The following APBA1 variants were observed in gnomAD, a reference collection of about 807,000 sequenced individuals.
APBA1 encodes amyloid-beta A4 precursor protein-binding family A member 1.
APBA1 carries 55 observed loss-of-function variants against 86.6 expected under a neutral mutation model. That is an observed-to-expected ratio of 0.64 (90% CI 0.51 to 0.80). The LOEUF is 0.80. Among genes scored for constraint, APBA1 ranks in the 30% least tolerant of loss-of-function variants. The pLI is 0.00. For synonymous variants in APBA1, 511 were observed against 493.9 expected (o/e 1.03, Z -0.46); for missense variants, 1,090 against 1,183.0 (o/e 0.92, Z 1.15).
intron 1 of APBA1, among the ~76,000 whole-genome samples, chr9:69,644,626 T>C (rs1239518870): frequency 6.6e-6 from 1 of 152,052 alleles, no homozygotes; most frequent in Non-Finnish European, 1.5e-5. Flanking sequence ...AACTTGGCCA[T>C]GTCTCAGATG....
At chr9:69,567,787 T>C (rs1056603222) in intron 1 of APBA1, among the ~76,000 whole-genome samples, 2 of 151,948 alleles carry the variant, frequency 1.3e-5, no homozygotes, top group African/African-American at 4.8e-5. Context: ...GGCACTGGGG[T>C]CCGGGACATC....
intron 1 of APBA1, among the ~76,000 whole-genome samples, chr9:69,631,841 A>G (rs10115721): frequency 0.97 from 147,676 of 152,216 alleles, 71,783 homozygotes; most frequent in East Asian, 1. Flanking sequence ...TCACTCATAG[A>G]TGGGAATTGA....
At chr9:69,588,025 C>CAAAAA (rs35212894) in intron 1 of APBA1, among the ~76,000 whole-genome samples, 2 of 106,542 alleles carry the variant, frequency 1.9e-5, no homozygotes, top group Admixed American at 1.1e-4. Flanking sequence ...GACTCTGTCT[C>CAAAAA]AAAAAAAAAA....
At chr9:69,592,244 TTTACGATGTC>T (rs1466731324) in intron 1 of APBA1, among the ~76,000 whole-genome samples, 1 of 152,196 alleles carries the variant, frequency 6.6e-6, no homozygotes, top group Non-Finnish European at 1.5e-5. Context: ...GTCATAATAT[TTTACGATGTC>T]TTCATTCTTA....
intron 1 of APBA1, among the ~76,000 whole-genome samples, chr9:69,551,950 T>C (rs1836791411): frequency 1.3e-5 from 2 of 152,190 alleles, no homozygotes; most frequent in Admixed American, 6.5e-5. Context: ...TGGTTTGAGA[T>C]GGAAAGACAC....
chr9:69,660,788 A>G (rs961799576), intron 1 of APBA1, among the ~76,000 whole-genome samples: 1 of 152,210 alleles, frequency 6.6e-6, no homozygotes, highest in Non-Finnish European at 1.5e-5. Context: ...CATACTATAC[A>G]TATGCTATTA....
intron 1 of APBA1, among the ~76,000 whole-genome samples, chr9:69,588,025 CA>C (rs35212894): frequency 0.04 from 4,267 of 106,558 alleles, 86 homozygotes; most frequent in African/African-American, 0.097. Flanking sequence ...GACTCTGTCT[CA>C]AAAAAAAAAA....
chr9:69,563,520 C>T (rs1024922495), intron 1 of APBA1, among the ~76,000 whole-genome samples: 6 of 152,188 alleles, frequency 3.9e-5, no homozygotes, highest in Admixed American at 1.3e-4. Context: ...GGTTAATACA[C>T]GGGTTGCATG....
At chr9:69,583,667 A>G (rs1215163343) in intron 1 of APBA1, among the ~76,000 whole-genome samples, 1 of 152,262 alleles carries the variant, frequency 6.6e-6, no homozygotes, top group Non-Finnish European at 1.5e-5. Flanking sequence ...AATTTTAAAA[A>G]TTACCAGAGT....
chr9:69,660,848 A>G (rs1823740124), intron 1 of APBA1, among the ~76,000 whole-genome samples: 1 of 152,150 alleles, frequency 6.6e-6, no homozygotes. Context: ...GGGTGGGTGC[A>G]TATTTTGAAA....
chr9:69,534,207 AT>A (rs1239587995), intron 1 of APBA1, among the ~76,000 whole-genome samples: 1 of 152,196 alleles, frequency 6.6e-6, no homozygotes, highest in East Asian at 1.9e-4. Context: ...AGGACCTGCC[AT>A]TTATATATGG....
intron 11 of APBA1, 45 bp downstream of exon 11, chr9:69,440,951 A>T: frequency 6.3e-7 from 1 of 1,592,330 alleles, no homozygotes; most frequent in African/African-American, 1.3e-5. Context: ...CTACATTTTT[A>T]TTTGTCAACA....
chr9:69,528,001 T>C (rs1227554803), intron 1 of APBA1, among the ~76,000 whole-genome samples: 1 of 152,176 alleles, frequency 6.6e-6, no homozygotes, highest in Non-Finnish European at 1.5e-5. Context: ...AAGATGAAGA[T>C]GTGCATCAAA....
At chr9:69,657,626 C>T (rs1235733906) in intron 1 of APBA1, among the ~76,000 whole-genome samples, 1 of 152,190 alleles carries the variant, frequency 6.6e-6, no homozygotes, top group Non-Finnish European at 1.5e-5. Flanking sequence ...CTAGATAATA[C>T]TTAGATTGGC....
intron 1 of APBA1, among the ~76,000 whole-genome samples, chr9:69,530,306 G>GTGTATATATA (rs1160941965): frequency 3.4e-5 from 4 of 116,126 alleles, no homozygotes; most frequent in Admixed American, 1.7e-4. Context: ...TTGTGTGTGT[G>GTGTATATATA]TATATATATA....
chr9:69,475,914 A>G, intron 3 of APBA1, 134 bp downstream of exon 3: 1 of 726,424 alleles, frequency 1.4e-6, no homozygotes, highest in African/African-American at 1.7e-5. Context: ...CACACTGGAG[A>G]GGAGAAATCA....
chr9:69,574,358 A>G (rs1821735454), intron 1 of APBA1, among the ~76,000 whole-genome samples: 1 of 152,148 alleles, frequency 6.6e-6, no homozygotes, highest in Non-Finnish European at 1.5e-5. Flanking sequence ...TGCTTCTCCA[A>G]CCAGTTTCCC....
chr9:69,457,744 C>G (rs1333919936), intron 6 of APBA1, among the ~76,000 whole-genome samples: 3 of 152,182 alleles, frequency 2.0e-5, no homozygotes, highest in Non-Finnish European at 4.4e-5. Flanking sequence ...CAGTCTGGTT[C>G]ATTTAGGGCT....
At chr9:69,541,847 T>A (rs1302260594) in intron 1 of APBA1, among the ~76,000 whole-genome samples, 2 of 152,126 alleles carry the variant, frequency 1.3e-5, no homozygotes, top group African/African-American at 4.8e-5. Context: ...AGTAATTTAT[T>A]AAAATTCAAA....
Sources: allele counts gnomAD v4.1 joint callset (sites outside exome capture counted in the v4.1 genomes callset), GRCh38; gene constraint gnomAD v4.1.1; transcripts MANE v1.5; gene names NCBI Gene and HGNC (gene_info 2026-07-23, HGNC 2026-07-21).